The following NBPF11 variants were observed in gnomAD, a reference collection of about 807,000 sequenced individuals.
NBPF11 encodes the protein NBPF member 11, also known as NBPF family member NBPF11.
Under a neutral mutation model 93.9 loss-of-function variants are expected in NBPF11, and 72 were observed. The ratio of observed to expected loss-of-function variants is 0.77; its 90% CI spans 0.63 to 0.93. NBPF11 has a LOEUF of 0.93. Ranked by LOEUF, NBPF11 falls within the 40% of genes least tolerant of loss-of-function variation. NBPF11 has a pLI of 0.00. For missense variants in NBPF11, 705 were observed against 802.2 expected (o/e 0.88, Z 1.46); for synonymous variants, 224 against 304.9 (o/e 0.73, Z 2.76).
At position 148,108,625 on chromosome 1, in the gene NBPF11, T is replaced by C. The variant is rs375194847; in HGVS notation, c.1883A>G (p.Glu628Gly). 5.5e-5 allele frequency: 79 copies of C among 1,424,482 alleles called. No individual in the cohort carries two copies. The highest frequency in any genetic ancestry group is 2.5e-4 in the African/African-American group (17 of 68,092). The allele number at this position is 1,424,482 out of a possible 1,614,324, so 88.2% of individuals were successfully genotyped here. The change falls in exon 18 of 24, where the codon GAG becomes GGG. Residue 628 changes from glutamate (E) to glycine (G), a missense_variant. Physicochemically the swap from Glu to Gly is moderately conservative, Grantham distance 98 (BLOSUM62 -2). Transcript: ENST00000682118. ...RLSRELLDEK[E>G]PEVLQDSLDR... ...CAGTGAGTCCTGCAAGACTTCAGGC[T>C]CTTTCTCATCCAGCAGCTCCCTGCT...
intron 1 of NBPF11, among the ~76,000 whole-genome samples, chr1:148,143,947 C>T (rs1672584732): frequency 6.8e-6 from 1 of 148,004 alleles, no homozygotes; most frequent in Non-Finnish European, 1.5e-5. Flanking sequence ...GCACTCTCAG[C>T]TACTCGGGAG....
chr1:148,108,443 C>A (rs1553267755), intron 18 of NBPF11, 39 bp downstream of exon 18: 1 of 1,340,572 alleles, frequency 7.5e-7, no homozygotes, highest in Non-Finnish European at 1.1e-6. Flanking sequence ...AAACAGAAGA[C>A]TCAGTGGATC....
At chr1:148,126,180 T>C (rs1320418579) in intron 5 of NBPF11, among the ~76,000 whole-genome samples, 1 of 151,816 alleles carries the variant, frequency 6.6e-6, no homozygotes, top group Non-Finnish European at 1.5e-5. Context: ...TTTGTATTTT[T>C]AGTGGAGACG....
chr1:148,104,556 G>C lies in NBPF11; in HGVS notation c.2562C>G (p.Ile854Met). 1.3e-5 allele frequency: 8 copies of C among 599,356 alleles called. No individual in the cohort carries two copies. In the South Asian group the frequency reaches 1.4e-4, roughly 10 times the overall value. The allele number at this position is 599,356 out of a possible 1,614,324, so 37.1% of individuals were successfully genotyped here. A position where few individuals can be genotyped will look rare whatever the true frequency, so the allele number is the denominator to read the frequency against. ...EEGEEKKGKK[I>M]KTHHAPGSAA... ...AGTTACCTGGGGCATGGTGGGTTTT[G>C]ATCTTCTTCCCCTTCTTTTCTTCCC... Residue 854 changes from isoleucine to methionine, a missense_variant, in exon 23 of 24, where the codon ATC becomes ATG. By Grantham distance (10) the Ile-to-Met change is conservative. This residue lies in a region of NBPF11 where 109 missense variants were observed against 83.3 expected (regional missense o/e 1.31). Coordinates refer to ENST00000682118, the MANE Select transcript of NBPF11 (RefSeq NM_001385469.3).
rs1553273230 is a variant in NBPF11, at chr1:148,126,862, C to A, written c.142G>T (p.Ala48Ser). The change falls in exon 5 of 24, where the codon GCC becomes TCC. Residue 48 changes from alanine (A) to serine (S), a missense_variant. By Grantham distance (99) the Ala-to-Ser change is moderately conservative (BLOSUM62 1). Coordinates refer to ENST00000682118, the MANE Select transcript of NBPF11 (RefSeq NM_001385469.3). ...LKERCFLTQL[A>S]GFLANRQKKY... The stretch of plus-strand genomic sequence containing the variant: ...TTCTGTCGGTTGGCCAGGAAGCCGG[C>A]CAGTTGAGTTAGAAAACATCTCTCT... The A allele has an allele frequency of 1.0e-5, 15 of 1,497,410 alleles. No homozygotes were observed. The South Asian group carries it at 1.6e-4, about 16-fold the overall frequency. The allele number at this position is 1,497,410 out of a possible 1,614,324, so 92.8% of individuals were successfully genotyped here.
At position 148,103,700 on chromosome 1, in the gene NBPF11, A is replaced by G; in HGVS notation, c.*196T>C. The G allele has an allele frequency of 6.2e-7, 1 of 1,610,696 alleles. No individual in the cohort carries two copies. Among genetic ancestry groups the G allele is most frequent in the Non-Finnish European group, 8.5e-7 (1 of 1,178,792 alleles). ...TGGGAATATGACTCCCATCTGGAAG[A>G]CCAGGTGGAGACTTCTCACCGTCAA... On this transcript the variant is annotated 3_prime_UTR_variant, in exon 24 of 24. Coordinates refer to ENST00000682118, the MANE Select transcript of NBPF11 (RefSeq NM_001385469.3).
At chr1:148,111,726 C>G (rs1199373994) in intron 15 of NBPF11, among the ~76,000 whole-genome samples, 2 of 151,790 alleles carry the variant, frequency 1.3e-5, no homozygotes, top group African/African-American at 4.9e-5. Context: ...AAGAAATGAA[C>G]AAGCCTCCAA....
intron 5 of NBPF11, among the ~76,000 whole-genome samples, chr1:148,126,099 C>G (rs1397085806): frequency 1.3e-5 from 2 of 151,900 alleles, no homozygotes; most frequent in Non-Finnish European, 2.9e-5. Flanking sequence ...CTGCTGGGTT[C>G]AAAGGATTCT....
At chr1:148,125,941 G>A (rs1669004672) in intron 5 of NBPF11, among the ~76,000 whole-genome samples, 1 of 151,636 alleles carries the variant, frequency 6.6e-6, no homozygotes, top group Non-Finnish European at 1.5e-5. Context: ...GCACCAGGAA[G>A]CAGACTTCAC....
At chr1:148,122,352 G>A (rs1365917701) in intron 8 of NBPF11, 86 bp from the exon 9 acceptor site, 34 of 1,596,740 alleles carry the variant, frequency 2.1e-5, no homozygotes, top group East Asian at 8.9e-5. Flanking sequence ...TTTGACAAGC[G>A]GCATTAAGAG....
At chr1:148,108,071 A>G (rs1664200216) in intron 18 of NBPF11, among the ~76,000 whole-genome samples, 1 of 150,202 alleles carries the variant, frequency 6.7e-6, no homozygotes, top group Non-Finnish European at 1.5e-5. Context: ...AATGGTTGCT[A>G]GGAGAAAAAC....
intron 15 of NBPF11, among the ~76,000 whole-genome samples, chr1:148,111,397 A>G (rs1450871261): frequency 6.6e-6 from 1 of 152,082 alleles, no homozygotes; most frequent in Admixed American, 6.5e-5. Context: ...AGGATAGAGA[A>G]TGACTTTGAC....
rs1488681892 is a variant in NBPF11, at chr1:148,129,189, G to A, written c.-35-2151C>T. Among the ~76,000 whole-genome samples the A allele has an allele frequency of 4.4e-3, 549 of 123,514 alleles. 9 individuals are homozygous for A. The highest frequency in any genetic ancestry group is 0.015 in the African/African-American group (487 of 32,890). 81.0% of individuals were successfully genotyped at this position (123,514 alleles called of 152,430 possible). ...TATACACATATATACATGTATACAC[G>A]TATATATAAAATATATATACACACA... On this transcript the variant is annotated intron_variant, in intron 4 of 23. Coordinates refer to ENST00000682118, the MANE Select transcript of NBPF11 (RefSeq NM_001385469.3).
intron 15 of NBPF11, among the ~76,000 whole-genome samples, chr1:148,111,410 G>T (rs2149194357): frequency 6.6e-6 from 1 of 152,154 alleles, no homozygotes; most frequent in Non-Finnish European, 1.5e-5. Flanking sequence ...ACTTTGACGA[G>T]CTGACAGAAG....
In NBPF11 at chr1:148,129,069, G is replaced by A. The variant is rs1357654368; in HGVS notation, c.-35-2031C>T. ...TGTAAATGACGAGTTAATGGGTGCAGCAAACCAACATGGCACACGTGTATA... is the reference window on the plus strand; with the variant it reads ...TGTAAATGACGAGTTAATGGGTGCAACAAACCAACATGGCACACGTGTATA... On this transcript the variant is annotated intron_variant, in intron 4 of 23. Transcript: ENST00000682118. Among the ~76,000 whole-genome samples the A allele has an allele frequency of 8.0e-3, 1,066 of 133,334 alleles. 9 individuals are homozygous for A. Among genetic ancestry groups the A allele is most frequent in the Middle Eastern group, 0.019 (5 of 262 alleles). 87.5% of individuals were successfully genotyped at this position (133,334 alleles called of 152,430 possible). A position where few individuals can be genotyped will look rare whatever the true frequency, so the allele number is the denominator to read the frequency against.
intron 15 of NBPF11, among the ~76,000 whole-genome samples, chr1:148,111,795 C>T (rs57347390): frequency 0.017 from 2,555 of 151,350 alleles, 86 homozygotes; most frequent in African/African-American, 0.059. Context: ...CTGAAAGTGA[C>T]GGGGAGAATG....
At chr1:148,134,282 TAGAC>T (rs1163299134) in intron 4 of NBPF11, among the ~76,000 whole-genome samples, 1 of 151,326 alleles carries the variant, frequency 6.6e-6, no homozygotes, top group Non-Finnish European at 1.5e-5. Flanking sequence ...ACTGAAGTAA[TAGAC>T]AGATGCAGCT....
intron 9 of NBPF11, among the ~76,000 whole-genome samples, chr1:148,121,259 G>A (rs1376330182): frequency 2.0e-5 from 3 of 151,496 alleles, no homozygotes; most frequent in Admixed American, 1.3e-4. Flanking sequence ...GGACAGGCTG[G>A]TTTCGAACTC....
intron 4 of NBPF11, among the ~76,000 whole-genome samples, chr1:148,128,969 G>A (rs1355283466): frequency 6.8e-6 from 1 of 147,852 alleles, no homozygotes; most frequent in Non-Finnish European, 1.5e-5. Context: ...TGGACACAGG[G>A]CGGGGAACAT....
Sources: allele counts gnomAD v4.1 joint callset (sites outside exome capture counted in the v4.1 genomes callset), GRCh38; gene constraint gnomAD v4.1.1; regional missense constraint gnomAD v4.1.1; transcripts MANE v1.5; gene names NCBI Gene and HGNC (gene_info 2026-07-23, HGNC 2026-07-21).